SBF2: variants seen among roughly 807,000 people sequenced by gnomAD.
SBF2 encodes SET binding factor 2, also known as myotubularin-related protein 13.
A neutral mutation model predicts 225.2 loss-of-function variants in SBF2; 112 were observed. The observed-to-expected ratio is 0.50, with a 90% CI of 0.43 to 0.58. The LOEUF is 0.58. SBF2 is among the 20% of genes least tolerant of loss of function. SBF2 has a pLI of 0.00. For synonymous variants in SBF2, 763 were observed against 773.3 expected (o/e 0.99, Z 0.22); for missense variants, 1,996 against 2,206.2 (o/e 0.90, Z 1.91).
At chr11:10,086,210 C>T (rs1186007531) in intron 2 of SBF2, among the ~76,000 whole-genome samples, 8 of 152,070 alleles carry the variant, frequency 5.3e-5, no homozygotes, top group East Asian at 3.9e-4. Flanking sequence ...CTTTTGAACT[C>T]GGCCCTGCCT....
intron 2 of SBF2, among the ~76,000 whole-genome samples, chr11:10,085,282 G>T (rs1048530282): frequency 6.6e-6 from 1 of 152,030 alleles, no homozygotes; most frequent in East Asian, 1.9e-4. Flanking sequence ...TCTCAAACTC[G>T]TATTACATGA....
intron 2 of SBF2, among the ~76,000 whole-genome samples, chr11:10,189,667 A>C (rs2135316262): frequency 6.6e-6 from 1 of 152,346 alleles, no homozygotes; most frequent in South Asian, 2.1e-4. Flanking sequence ...AGAACATTAA[A>C]GTTAGAAATT....
At chr11:10,050,246 A>G (rs552121848) in intron 2 of SBF2, among the ~76,000 whole-genome samples, 3 of 152,316 alleles carry the variant, frequency 2.0e-5, no homozygotes, top group East Asian at 3.9e-4. Flanking sequence ...TCTACCAAAT[A>G]TATTTGACTT....
chr11:9,967,963 CTCTCTCTCTATA>C lies in SBF2; in HGVS notation c.1600+366_1600+377del, dbSNP rs1249000957. Among the ~76,000 whole-genome samples, 221 of 118,928 alleles carry C rather than the reference CTCTCTCTCTATA, an allele frequency of 1.9e-3. 3 individuals are homozygous for C. The highest frequency in any genetic ancestry group is 6.4e-3 in the African/African-American group (209 of 32,854). The allele number at this position is 118,928 out of a possible 152,430, so 78.0% of individuals were successfully genotyped here. Reference sequence around the variant, plus strand: ...TGTCTGTCTGTCTCTCTCTCTCTCTCTCTCTCTCTATATATATATATATATATAAAATATATA... The same window carrying C: ...TGTCTGTCTGTCTCTCTCTCTCTCTCTATATATATATATATAAAATATATA... On this transcript the variant is annotated intron_variant, in intron 14 of 39. Coordinates refer to ENST00000256190, the MANE Select transcript of SBF2 (RefSeq NM_030962.4).
intron 1 of SBF2, among the ~76,000 whole-genome samples, chr11:10,216,058 A>C (rs1958119372): frequency 6.6e-6 from 1 of 152,126 alleles, no homozygotes; most frequent in Non-Finnish European, 1.5e-5. Flanking sequence ...ACACATTTTA[A>C]AGTGTCATCT....
rs555767322 is a variant in SBF2, at chr11:9,982,690, G to A, written c.1395+6807C>T. Among the ~76,000 whole-genome samples the A allele has an allele frequency of 2.0e-5, 3 of 152,272 alleles. No homozygotes were observed. The East Asian group carries it at 5.8e-4, about 29-fold the overall frequency. ...AAGAACAAACCAGCAATCTGGAGAG[G>A]AACCACAGATCCTCGGAAGGAAGTG... On this transcript the variant is annotated intron_variant, in intron 13 of 39. Coordinates refer to ENST00000256190, the MANE Select transcript of SBF2 (RefSeq NM_030962.4).
Position 10,285,821 on chromosome 11 carries a change from C to T in SBF2, c.55+8194G>A, listed in dbSNP as rs974414028. 2.0e-5 allele frequency among the ~76,000 whole-genome samples: 3 copies of T among 152,256 alleles called. No homozygotes were observed. In the East Asian group the frequency reaches 5.8e-4, roughly 29 times the overall value. On this transcript the variant is annotated intron_variant, in intron 1 of 39. Coordinates refer to ENST00000256190, the MANE Select transcript of SBF2 (RefSeq NM_030962.4). ...AATTCTTTCTTCAAAACACCAAGAA[C>T]CTGGACACCCTCCACCAATAACAGT...
At chr11:10,144,257 G>A (rs554984198) in intron 2 of SBF2, among the ~76,000 whole-genome samples, 1 of 152,186 alleles carries the variant, frequency 6.6e-6, no homozygotes, top group Non-Finnish European at 1.5e-5. Flanking sequence ...GGAGGCAGAA[G>A]TGGGCAGATG....
chr11:9,932,202 A>C (rs534870612), intron 16 of SBF2, among the ~76,000 whole-genome samples: 1 of 152,294 alleles, frequency 6.6e-6, no homozygotes, highest in East Asian at 1.9e-4. Context: ...GTTGGAAAAC[A>C]CTCTTCAGGA....
rs1852371804 is a variant in SBF2, at chr11:9,786,349, T to A, written c.5038-1031A>T. Among the ~76,000 whole-genome samples, 3 of 152,330 alleles carry A rather than the reference T, an allele frequency of 2.0e-5. No individual in the cohort carries two copies. In the South Asian group the frequency reaches 6.2e-4, roughly 32 times the overall value. On this transcript the variant is annotated intron_variant, in intron 36 of 39. Coordinates refer to ENST00000256190, the MANE Select transcript of SBF2 (RefSeq NM_030962.4). Reference sequence around the variant, plus strand: ...GGGTGATTCTCATCTTTTATAACTTTCTGTGTGTTCTTTCAAAAAAATGAA... The same window carrying A: ...GGGTGATTCTCATCTTTTATAACTTACTGTGTGTTCTTTCAAAAAAATGAA...
upstream of SBF2, chr11:10,294,269 TG>T (rs1195691888): frequency 2.6e-6 from 1 of 382,708 alleles, no homozygotes; most frequent in African/African-American, 2.1e-5. Flanking sequence ...CCACCCGCGC[TG>T]GCTCGGCTGC....
At chr11:10,053,054 T>C (rs910136857) in intron 2 of SBF2, among the ~76,000 whole-genome samples, 6 of 152,150 alleles carry the variant, frequency 3.9e-5, no homozygotes, top group East Asian at 1.9e-4. Flanking sequence ...GGAGGGCATA[T>C]TGTATATATA....
chr11:10,050,728 T>A (rs907158082), intron 2 of SBF2, among the ~76,000 whole-genome samples: 1 of 152,098 alleles, frequency 6.6e-6, no homozygotes, highest in African/African-American at 2.4e-5. Context: ...TCAGATAAGA[T>A]GGCTACTAAG....
rs887166713 is a variant in SBF2 at position 9,940,680 on chromosome 11, T to C, written c.1860+21277A>G. On this transcript the variant is annotated intron_variant, in intron 16 of 39. Coordinates refer to ENST00000256190, the MANE Select transcript of SBF2 (RefSeq NM_030962.4). ...TTACTAAATGAAGCTGTCAGGTATT[T>C]GGTTTGGCCCAGGGGGCACCAAGAA... is the stretch of plus-strand genomic sequence containing the variant. Among the ~76,000 whole-genome samples the C allele has an allele frequency of 2.0e-5, 3 of 152,218 alleles. No individual in the cohort carries two copies. The East Asian group carries it at 5.8e-4, about 29-fold the overall frequency.
At chr11:9,983,130 A>G (rs1947029629) in intron 13 of SBF2, among the ~76,000 whole-genome samples, 1 of 152,230 alleles carries the variant, frequency 6.6e-6, no homozygotes, top group African/African-American at 2.4e-5. Flanking sequence ...GGGAAGAACT[A>G]AAGCACTTTT....
intron 26 of SBF2, 73 bp from the exon 27 acceptor site, chr11:9,832,493 G>A: frequency 5.7e-6 from 6 of 1,044,880 alleles, no homozygotes; most frequent in South Asian, 3.9e-5. Context: ...GAAAGGAAAT[G>A]AGAGAAGAGG....
At chr11:9,843,640 G>A (rs550929592) in intron 24 of SBF2, among the ~76,000 whole-genome samples, 10 of 152,194 alleles carry the variant, frequency 6.6e-5, no homozygotes, top group Non-Finnish European at 1.5e-4. Context: ...AAGTGATAAG[G>A]CTTCTTTTAT....
At chr11:10,196,337 T>C (rs1457139763) in intron 1 of SBF2, among the ~76,000 whole-genome samples, 1 of 152,198 alleles carries the variant, frequency 6.6e-6, no homozygotes, top group Admixed American at 6.5e-5. Context: ...GTTTTTTCAG[T>C]TCTGAAAGCC....
At chr11:10,035,757 G>A (rs1242301423) in intron 3 of SBF2, among the ~76,000 whole-genome samples, 1 of 152,138 alleles carries the variant, frequency 6.6e-6, no homozygotes, top group Non-Finnish European at 1.5e-5. Context: ...TAAAAAGTCA[G>A]GAAACAACAG....
Sources: gnomAD v4.1 joint callset for allele counts (sites outside exome capture counted in the v4.1 genomes callset) on GRCh38, gnomAD v4.1.1 for gene constraint, MANE v1.5 for transcripts, NCBI Gene and HGNC (gene_info 2026-07-23, HGNC 2026-07-21) for gene names.